ANK3: variants seen among roughly 807,000 people sequenced by gnomAD.
ANK3 encodes ankyrin-3.
ANK3 carries 57 observed loss-of-function variants against 370.9 expected under a neutral mutation model. That is an observed-to-expected ratio of 0.15 (90% CI 0.12 to 0.19). The LOEUF (loss-of-function observed/expected upper bound fraction) is 0.19. ANK3 is among the 10% of genes least tolerant of loss of function. The pLI is 1.00. For missense variants in ANK3, 4,439 were observed against 5,302.1 expected (o/e 0.84, Z 5.06); for synonymous variants, 1,929 against 1,946.3 (o/e 0.99, Z 0.23).
intron 23 of ANK3, among the ~76,000 whole-genome samples, chr10:60,152,013 A>G (rs1272771476): frequency 7.2e-6 from 1 of 139,390 alleles, no homozygotes; most frequent in Non-Finnish European, 1.7e-5. Flanking sequence ...CATGGTAAAT[A>G]CCTTGTTTCT....
At position 60,063,227 on chromosome 10, in the gene ANK3, T is replaced by G; in HGVS notation, c.12479A>C (p.Lys4160Thr). 6.2e-7 allele frequency: 1 copy of G among 1,608,706 alleles called. No homozygotes were observed. Among genetic ancestry groups the G allele is most frequent in the Non-Finnish European group, 8.5e-7 (1 of 1,178,390 alleles). ...TTDALTSVLTKINRIDIVTLL... is the reference protein window; with the variant it reads ...TTDALTSVLTTINRIDIVTLL... ...TGTCACTATATCTATTCGATTAATT[T>G]TTGTCAAGACCGAAGTTAAGGCATC... The change falls in exon 40 of 44, where the codon AAA becomes ACA. Residue 4160 changes from lysine (K) to threonine (T), a missense_variant. Lys to Thr is a moderately conservative substitution (Grantham distance 78, BLOSUM62 -1). This residue lies in a region of ANK3 where 99 missense variants were observed against 150.7 expected (regional missense o/e 0.66). Transcript: ENST00000280772.
At chr10:60,285,530 G>A (rs1346200876) in intron 1 of ANK3, among the ~76,000 whole-genome samples, 1 of 146,044 alleles carries the variant, frequency 6.8e-6, no homozygotes, top group Non-Finnish European at 1.6e-5. Context: ...ATCTTCCCTC[G>A]AGCTTTTCTT....
At chr10:60,309,713 G>GA (rs1349914543) in intron 1 of ANK3, among the ~76,000 whole-genome samples, 1 of 151,850 alleles carries the variant, frequency 6.6e-6, no homozygotes, top group Non-Finnish European at 1.5e-5. Flanking sequence ...TGTGATTAAA[G>GA]AAAAAACAGC....
At chr10:60,382,032 T>TAG (rs2061618000) in intron 1 of ANK3, among the ~76,000 whole-genome samples, 1 of 152,182 alleles carries the variant, frequency 6.6e-6, no homozygotes, top group African/African-American at 2.4e-5. Flanking sequence ...TTTCACTGTA[T>TAG]AGATGTCTTA....
chr10:60,657,795 C>T (rs1029932901), intron 1 of ANK3, among the ~76,000 whole-genome samples: 1 of 151,902 alleles, frequency 6.6e-6, no homozygotes, highest in African/African-American at 2.4e-5. Flanking sequence ...TAATTATATC[C>T]AAAAAACTTC....
At chr10:60,535,675 T>C (rs931958232) in intron 2 of ANK3, among the ~76,000 whole-genome samples, 3 of 152,018 alleles carry the variant, frequency 2.0e-5, no homozygotes, top group African/African-American at 7.2e-5. Context: ...GGGTGTTAAT[T>C]CCCCTCACAG....
intron 23 of ANK3, among the ~76,000 whole-genome samples, chr10:60,143,979 G>A (rs2094690539): frequency 6.6e-6 from 1 of 152,138 alleles, no homozygotes; most frequent in Non-Finnish European, 1.5e-5. Flanking sequence ...AAGAGAGAGA[G>A]AGAGAGAAAG....
At chr10:60,579,881 A>G (rs546630137) in intron 2 of ANK3, among the ~76,000 whole-genome samples, 1 of 152,294 alleles carries the variant, frequency 6.6e-6, no homozygotes, top group East Asian at 1.9e-4. Context: ...TACATTTAAG[A>G]CATGGTAAAA....
chr10:60,270,508 C>A (rs545958937), intron 4 of ANK3, among the ~76,000 whole-genome samples: 4 of 152,210 alleles, frequency 2.6e-5, no homozygotes, highest in Admixed American at 1.3e-4. Context: ...AAGCAATTTA[C>A]CCACTTTAAA....
intron 8 of ANK3, among the ~76,000 whole-genome samples, chr10:60,217,242 G>T (rs919714741): frequency 6.6e-6 from 1 of 151,742 alleles, no homozygotes; most frequent in Non-Finnish European, 1.5e-5. Context: ...TTTTTGGGGG[G>T]TTTTCACGTC....
chr10:60,566,657 G>C (rs1049794985), intron 2 of ANK3, among the ~76,000 whole-genome samples: 3 of 152,158 alleles, frequency 2.0e-5, no homozygotes, highest in Non-Finnish European at 4.4e-5. Context: ...AGGATTGCTC[G>C]AGGCCAGTAA....
At chr10:60,643,806 G>A (rs1293153511) in intron 1 of ANK3, among the ~76,000 whole-genome samples, 1 of 152,158 alleles carries the variant, frequency 6.6e-6, no homozygotes, top group African/African-American at 2.4e-5. Context: ...GATACTGGAA[G>A]ACATGTTTAT....
intron 2 of ANK3, among the ~76,000 whole-genome samples, chr10:60,522,268 C>T (rs900971675): frequency 3.3e-5 from 5 of 151,840 alleles, no homozygotes; most frequent in African/African-American, 7.3e-5. Context: ...TCAATGCTCA[C>T]GCTGGGGTTG....
chr10:60,181,979 C>T (rs1170493352), intron 17 of ANK3, among the ~76,000 whole-genome samples: 1 of 152,060 alleles, frequency 6.6e-6, no homozygotes, highest in Non-Finnish European at 1.5e-5. Context: ...TTTCACCTAT[C>T]CCTCTTTTCC....
rs552653577 is a variant in ANK3 at position 60,133,569 on chromosome 10, T to C, written c.2841+702A>G. ...GGAACAAAAAATGACCAGTCTCATCTTTACTTACTAAAAACAATTCTAACA... is the reference window on the plus strand; with the variant it reads ...GGAACAAAAAATGACCAGTCTCATCCTTACTTACTAAAAACAATTCTAACA... On this transcript the variant is annotated intron_variant, in intron 25 of 43. Transcript: ENST00000280772. Among the ~76,000 whole-genome samples, 19 of 152,360 alleles carry C rather than the reference T, an allele frequency of 1.2e-4. No individual in the cohort carries two copies. The South Asian group carries it at 3.1e-3, about 25-fold the overall frequency.
chr10:60,661,226 T>A (rs1047035301), intron 1 of ANK3, among the ~76,000 whole-genome samples: 2 of 151,770 alleles, frequency 1.3e-5, no homozygotes, highest in Non-Finnish European at 2.9e-5. Context: ...GTTTTATGTA[T>A]ACTTGCCAAA....
intron 11 of ANK3, among the ~76,000 whole-genome samples, chr10:60,204,559 A>C (rs2096732552): frequency 6.6e-6 from 1 of 152,244 alleles, no homozygotes; most frequent in African/African-American, 2.4e-5. Context: ...TTCCATTTGC[A>C]GGCAAGAAAC....
intron 1 of ANK3, among the ~76,000 whole-genome samples, chr10:60,690,707 C>T (rs2079339715): frequency 6.6e-6 from 1 of 152,032 alleles, no homozygotes; most frequent in Admixed American, 6.6e-5. Flanking sequence ...TAAAAATAAC[C>T]AAAAAATAGT....
chr10:60,226,761 A>C (rs1213904553), intron 8 of ANK3, among the ~76,000 whole-genome samples: 2 of 144,776 alleles, frequency 1.4e-5, no homozygotes, highest in Non-Finnish European at 3.0e-5. Context: ...TAATATTAAT[A>C]TTACATATAT....
Sources: allele counts gnomAD v4.1 joint callset (sites outside exome capture counted in the v4.1 genomes callset), GRCh38; gene constraint gnomAD v4.1.1; regional missense constraint gnomAD v4.1.1; transcripts MANE v1.5; gene names NCBI Gene and HGNC (gene_info 2026-07-23, HGNC 2026-07-21).